The following RGPD3 variants were observed in gnomAD, a reference collection of about 807,000 sequenced individuals.
The protein encoded by RGPD3 is RANBP2 like and GRIP domain containing 3.
RGPD3 carries 62 observed loss-of-function variants against 154.5 expected under a neutral mutation model. The ratio of observed to expected loss-of-function variants is 0.40; its 90% CI spans 0.33 to 0.50. The LOEUF is 0.50. RGPD3 is among the 20% of genes least tolerant of loss of function. The pLI is 0.59. For synonymous variants in RGPD3, 308 were observed against 607.0 expected, an observed-to-expected ratio of 0.51 and a Z score of 7.24; for missense variants, 919 against 1,716.8, an observed-to-expected ratio of 0.54 and a Z score of 8.21.
Position 106,434,208 on chromosome 2 carries a change from T to A in RGPD3, c.2205+20A>T. ...AGTGGGTTATCAGTAAGAACGTACA[T>A]ACAACAACCTGCTACTTACTTTCTT... is the stretch of plus-strand genomic sequence containing the variant. On this transcript the variant is annotated intron_variant, in intron 15 of 22. Coordinates refer to ENST00000409886, the MANE Select transcript of RGPD3 (RefSeq NM_001144013.2). The A allele has an allele frequency of 2.5e-6, 4 of 1,587,604 alleles. No individual in the cohort carries two copies. Among genetic ancestry groups the A allele is most frequent in the Non-Finnish European group, 3.4e-6 (4 of 1,165,460 alleles).
chr2:106,470,439 A>G (rs1573315103), upstream of RGPD3, among the ~76,000 whole-genome samples: 2 of 152,350 alleles, frequency 1.3e-5, no homozygotes, highest in African/African-American at 4.8e-5. Context: ...TGATTTTGCC[A>G]TGTCCTCCCA....
intron 20 of RGPD3, among the ~76,000 whole-genome samples, chr2:106,418,463 C>G (rs1337524038): frequency 6.6e-6 from 1 of 152,070 alleles, no homozygotes; most frequent in Non-Finnish European, 1.5e-5. Context: ...GTAATTGTTG[C>G]TGCTCACACC....
upstream of RGPD3, chr2:106,468,425 G>A (rs1678719069): frequency 6.7e-7 from 1 of 1,501,144 alleles, no homozygotes; most frequent in Non-Finnish European, 9.0e-7. Context: ...ACGAACTTGT[G>A]TCCTGCGTCA....
chr2:106,462,662 T>C (rs1678438675), intron 1 of RGPD3, among the ~76,000 whole-genome samples: 1 of 152,144 alleles, frequency 6.6e-6, no homozygotes. Context: ...TGGCCTACTT[T>C]TTCATTATGC....
At chr2:106,449,735 C>G (rs971159914) in intron 6 of RGPD3, among the ~76,000 whole-genome samples, 44 of 151,620 alleles carry the variant, frequency 2.9e-4, no homozygotes, top group African/African-American at 9.9e-4. Flanking sequence ...AGATCGAGAC[C>G]AGCCGGGCGC....
chr2:106,447,701 T>G (rs1677976569), intron 6 of RGPD3, 88 bp from the exon 7 acceptor site: 1 of 101,788 alleles, frequency 9.8e-6, no homozygotes, highest in Admixed American at 1.2e-4. Flanking sequence ...AAATAAAAAT[T>G]TTATTTCAAG....
chr2:106,423,787 G>T lies in RGPD3; in HGVS notation c.4180C>A (p.Arg1394Ser), dbSNP rs201844567. The change falls in exon 20 of 23, where the codon CGT (arginine) becomes AGT (serine). Residue 1394 changes from arginine to serine, a missense_variant. Physicochemically the swap from Arg to Ser is moderately radical, Grantham distance 110. Transcript: ENST00000409886. ...ILQNYDNKHV[R>S]ILMRRDQVLK... Reference sequence around the variant, plus strand: ...ACTTGGTCCCTTCTCATCAGTATACGAACGTGCTTATTATCATAATTCTGT... The same window carrying T: ...ACTTGGTCCCTTCTCATCAGTATACTAACGTGCTTATTATCATAATTCTGT... The T allele has an allele frequency of 3.7e-6, 6 of 1,611,910 alleles. No homozygotes were observed. In the Middle Eastern group the frequency reaches 9.0e-4, roughly 243 times the overall value.
At chr2:106,465,438 ACTTT>A (rs1678541779) in intron 1 of RGPD3, among the ~76,000 whole-genome samples, 1 of 152,148 alleles carries the variant, frequency 6.6e-6, no homozygotes, top group East Asian at 1.9e-4. Flanking sequence ...CCACCACTCC[ACTTT>A]ATTTAATGGA....
chr2:106,412,394 C>T (rs1244451736), intron 22 of RGPD3, among the ~76,000 whole-genome samples: 2 of 145,312 alleles, frequency 1.4e-5, no homozygotes, highest in Non-Finnish European at 3.0e-5. Flanking sequence ...ACTGCAACCT[C>T]CGCCTCGTGA....
chr2:106,451,127 A>G (rs1321215900), intron 6 of RGPD3, among the ~76,000 whole-genome samples: 1 of 150,718 alleles, frequency 6.6e-6, no homozygotes, highest in East Asian at 1.9e-4. Flanking sequence ...AAAGAAAGAA[A>G]GAAAGGAACC....
intron 1 of RGPD3, among the ~76,000 whole-genome samples, chr2:106,465,888 G>A (rs1319581129): frequency 1.3e-5 from 2 of 151,774 alleles, no homozygotes; most frequent in African/African-American, 2.4e-5. Flanking sequence ...CATTTGCGCC[G>A]TCGGGCCATT....
In RGPD3 at chr2:106,424,064, A is replaced by T. The variant is rs1345914913; in HGVS notation, c.3903T>A (p.Ser1301Arg). The T allele has an allele frequency of 6.2e-7, 1 of 1,611,458 alleles. No homozygotes were observed. The highest frequency in any genetic ancestry group is 1.7e-5 in the Admixed American group (1 of 59,932). The change falls in exon 20 of 23, where the codon AGT (serine) becomes AGA (arginine). Residue 1301 changes from serine to arginine, a missense_variant. Physicochemically the swap from Ser to Arg is moderately radical, Grantham distance 110. Transcript: ENST00000409886. ...GSNFSFKSALSLSKSPAKLNQ... is the reference protein window; with the variant it reads ...GSNFSFKSALRLSKSPAKLNQ... ...TCAACTTGGCAGGAGACTTAGATAG[A>T]CTCAAAGCAGATTTAAAACTGAAGT...
intron 21 of RGPD3, 61 bp downstream of exon 21, chr2:106,415,789 T>A: frequency 2.5e-6 from 4 of 1,610,966 alleles, no homozygotes; most frequent in Non-Finnish European, 3.4e-6. Context: ...GGTACATGTG[T>A]ATGGAGGGTC....
rs1366136125 is a variant in RGPD3, at chr2:106,466,985, G to C, written c.72+1232C>G. On this transcript the variant is annotated intron_variant, in intron 1 of 22. Transcript: ENST00000409886. ...ATCGAGGCCGCCGCAGGGCCAGGTC[G>C]AGGCTGCCGCCGCCTGGCCAGGTCG... is the stretch of plus-strand genomic sequence containing the variant. Among the ~76,000 whole-genome samples the C allele has an allele frequency of 3.0e-4, 37 of 124,338 alleles. 5 individuals carry two copies. In the East Asian group the frequency reaches 3.3e-3, roughly 11 times the overall value. 81.6% of individuals were successfully genotyped at this position (124,338 alleles called of 152,430 possible).
At chr2:106,465,353 T>C (rs1201408287) in intron 1 of RGPD3, among the ~76,000 whole-genome samples, 1 of 152,156 alleles carries the variant, frequency 6.6e-6, no homozygotes, top group African/African-American at 2.4e-5. Context: ...CTAATGTAAA[T>C]GACTTTCAAT....
chr2:106,467,703 CG>C (rs1678672516), intron 1 of RGPD3, among the ~76,000 whole-genome samples: 1 of 119,956 alleles, frequency 8.3e-6, no homozygotes, highest in Non-Finnish European at 1.7e-5. Flanking sequence ...AGGCAGCCGC[CG>C]GGCCAGGTCG....
At chr2:106,429,025 A>G (rs1467452662) in intron 18 of RGPD3, among the ~76,000 whole-genome samples, 2 of 151,926 alleles carry the variant, frequency 1.3e-5, no homozygotes, top group Non-Finnish European at 2.9e-5. Context: ...ACCTTAGTTC[A>G]TTAACTGTTT....
At chr2:106,446,434 G>C (rs1275502059) in intron 7 of RGPD3, among the ~76,000 whole-genome samples, 2 of 151,386 alleles carry the variant, frequency 1.3e-5, no homozygotes, top group Non-Finnish European at 2.9e-5. Flanking sequence ...GCCAGGTGTG[G>C]TGGCGGGTGC....
intron 22 of RGPD3, among the ~76,000 whole-genome samples, chr2:106,411,599 T>C (rs554597188): frequency 2.5e-3 from 380 of 150,186 alleles, no homozygotes; most frequent in Middle Eastern, 0.014. Flanking sequence ...GAGGCCAAGG[T>C]GGGCAGATCA....
Sources: gnomAD v4.1 joint callset for allele counts (sites outside exome capture counted in the v4.1 genomes callset) on GRCh38, gnomAD v4.1.1 for gene constraint, MANE v1.5 for transcripts, NCBI Gene and HGNC (gene_info 2026-07-23, HGNC 2026-07-21) for gene names.